The following STIMATE variants were observed in gnomAD, a reference collection of about 807,000 sequenced individuals.
STIMATE encodes store-operated calcium entry regulator STIMATE.
In STIMATE, 15 loss-of-function variants were observed where a neutral mutation model predicts 36.7. That is an observed-to-expected ratio of 0.41 (90% CI 0.27 to 0.63). The LOEUF is 0.63. Among genes scored for constraint, STIMATE ranks in the 20% least tolerant of loss-of-function variants. STIMATE has a pLI of 0.32. For synonymous variants in STIMATE, 163 were observed against 162.3 expected, an observed-to-expected ratio of 1.00 and a Z score of -0.03; for missense variants, 305 against 397.3, an observed-to-expected ratio of 0.77 and a Z score of 1.98.
At chr3:52,867,666 G>C (rs1473830618) in intron 1 of STIMATE, among the ~76,000 whole-genome samples, 2 of 152,220 alleles carry the variant, frequency 1.3e-5, no homozygotes, top group African/African-American at 2.4e-5. Context: ...CGAGTGCTGA[G>C]GCAGCGGACT....
intron 3 of STIMATE, among the ~76,000 whole-genome samples, chr3:52,850,346 C>T (rs945147281): frequency 2.0e-5 from 3 of 152,156 alleles, no homozygotes; most frequent in Non-Finnish European, 2.9e-5. Flanking sequence ...GCAGGGGAAT[C>T]ACTTGAACCC....
intron 1 of STIMATE, among the ~76,000 whole-genome samples, chr3:52,875,973 A>G (rs1419112150): frequency 1.3e-5 from 2 of 152,146 alleles, no homozygotes; most frequent in African/African-American, 4.8e-5. Context: ...ACCTGACATG[A>G]TCCCCAACAG....
intron 1 of STIMATE, among the ~76,000 whole-genome samples, chr3:52,875,636 A>C (rs1200101758): frequency 6.6e-6 from 1 of 152,228 alleles, no homozygotes; most frequent in Non-Finnish European, 1.5e-5. Flanking sequence ...TGAATCTGGA[A>C]GGAAAGGGTG....
At chr3:52,865,528 G>A (rs76186727) in intron 1 of STIMATE, among the ~76,000 whole-genome samples, 178 of 152,230 alleles carry the variant, frequency 1.2e-3, no homozygotes, top group African/African-American at 3.5e-3. Context: ...ATATGGCGGC[G>A]GCAAGAAAAC....
intron 4 of STIMATE, chr3:52,847,398 G>A: frequency 7.8e-7 from 1 of 1,275,526 alleles, no homozygotes; most frequent in Non-Finnish European, 1.0e-6. Flanking sequence ...GAAGCACCGT[G>A]ACCCAGATGT....
At chr3:52,862,797 G>A (rs1397075340) in intron 1 of STIMATE, among the ~76,000 whole-genome samples, 4 of 152,320 alleles carry the variant, frequency 2.6e-5, no homozygotes, top group Middle Eastern at 3.4e-3. Flanking sequence ...TAAAGATCAT[G>A]AGATGAGATC....
rs116883727 is a variant in STIMATE at position 52,877,456 on chromosome 3, G to A, written c.160+19835C>T. 6.0e-3 allele frequency among the ~76,000 whole-genome samples: 913 copies of A among 152,306 alleles called. 9 individuals are homozygous for A. Among genetic ancestry groups the A allele is most frequent in the Middle Eastern group, 0.014 (4 of 294 alleles). The stretch of plus-strand genomic sequence containing the variant: ...CATAAGTAAATGTGTGCCATGGCAG[G>A]GGGCACAGAAACAGCAGTAAGAGTA... On this transcript the variant is annotated intron_variant, in intron 1 of 7. Transcript: ENST00000355083.
intron 4 of STIMATE, chr3:52,847,238 T>C: frequency 7.8e-6 from 9 of 1,149,902 alleles, no homozygotes; most frequent in Non-Finnish European, 9.8e-6. Flanking sequence ...TTTACTGCAA[T>C]GAACAACCTC....
intron 1 of STIMATE, among the ~76,000 whole-genome samples, chr3:52,894,979 T>C (rs1322039336): frequency 1.3e-5 from 2 of 152,202 alleles, no homozygotes; most frequent in Non-Finnish European, 2.9e-5. Flanking sequence ...ACACTAAGAC[T>C]TCCCTCCCTC....
chr3:52,881,618 C>T (rs1031126816), intron 1 of STIMATE, among the ~76,000 whole-genome samples: 11 of 152,038 alleles, frequency 7.2e-5, no homozygotes, highest in Non-Finnish European at 8.8e-5. Flanking sequence ...AGGAGAATGG[C>T]GTGAACCCAG....
chr3:52,858,976 AG>A (rs1182913781), intron 1 of STIMATE, among the ~76,000 whole-genome samples: 3 of 151,922 alleles, frequency 2.0e-5, no homozygotes, highest in Non-Finnish European at 4.4e-5. Context: ...CTGGTCAACA[AG>A]GCAAAACCCC....
intron 1 of STIMATE, among the ~76,000 whole-genome samples, chr3:52,859,519 AAAAAAAAAAAAATTTTTTTTT>A (rs1269594229): frequency 9.8e-6 from 1 of 102,370 alleles, no homozygotes; most frequent in African/African-American, 3.4e-5. Flanking sequence ...AAAAAAAAAA[AAAAAAAAAAAAATTTTTTTTT>A]TTTTTTTTTT....
At chr3:52,894,069 C>T (rs1240855937) in intron 1 of STIMATE, among the ~76,000 whole-genome samples, 1 of 151,890 alleles carries the variant, frequency 6.6e-6, no homozygotes, top group Non-Finnish European at 1.5e-5. Flanking sequence ...ATAGACAAAA[C>T]CACCAAAACG....
At chr3:52,850,488 G>A (rs1380648911) in intron 3 of STIMATE, among the ~76,000 whole-genome samples, 2 of 152,096 alleles carry the variant, frequency 1.3e-5, no homozygotes, top group Non-Finnish European at 2.9e-5. Context: ...AGGTTCAATG[G>A]AAGACAGAGT....
At chr3:52,891,473 A>C (rs553925171) in intron 1 of STIMATE, among the ~76,000 whole-genome samples, 1 of 152,316 alleles carries the variant, frequency 6.6e-6, no homozygotes, top group Non-Finnish European at 1.5e-5. Context: ...AGCGACTTGA[A>C]GCAGGTTCAT....
intron 1 of STIMATE, among the ~76,000 whole-genome samples, chr3:52,860,046 TC>T (rs1165104197): frequency 9.1e-6 from 1 of 109,760 alleles, no homozygotes; most frequent in Non-Finnish European, 1.8e-5. Context: ...CCTAGAACAG[TC>T]CAGATTCTTT....
At chr3:52,861,317 G>GGTC (rs894218106) in intron 1 of STIMATE, among the ~76,000 whole-genome samples, 1 of 152,220 alleles carries the variant, frequency 6.6e-6, no homozygotes, top group Non-Finnish European at 1.5e-5. Context: ...TCTGCACACA[G>GGTC]GTCCCATTCC....
intron 4 of STIMATE, chr3:52,847,998 G>T: frequency 6.2e-6 from 1 of 161,794 alleles, no homozygotes; most frequent in Non-Finnish European, 1.4e-5. Context: ...CTTCCCAGAG[G>T]CTCCAGAAGC....
intron 1 of STIMATE, among the ~76,000 whole-genome samples, chr3:52,856,001 G>C (rs746581805): frequency 6.6e-6 from 1 of 152,242 alleles, no homozygotes; most frequent in African/African-American, 2.4e-5. Flanking sequence ...GGACCGAAGT[G>C]TTTGTGTATC....
Sources: gnomAD v4.1 joint callset for allele counts (sites outside exome capture counted in the v4.1 genomes callset) on GRCh38, gnomAD v4.1.1 for gene constraint, MANE v1.5 for transcripts, NCBI Gene and HGNC (gene_info 2026-07-23, HGNC 2026-07-21) for gene names.